ULK4: variants seen among roughly 807,000 people sequenced by gnomAD.
ULK4 encodes the protein inactive serine/threonine-protein kinase ULK4.
A neutral mutation model predicts 160.6 loss-of-function variants in ULK4; 133 were observed. The ratio of observed to expected loss-of-function variants is 0.83; its 90% CI spans 0.72 to 0.96. The LOEUF (loss-of-function observed/expected upper bound fraction) is 0.96, where lower values mean the gene tolerates loss of function less well. Among genes scored for constraint, ULK4 ranks in the 40% least tolerant of loss-of-function variants. The pLI is 0.00. For missense variants in ULK4, 1,580 were observed against 1,499.5 expected, an observed-to-expected ratio of 1.05 and a Z score of -0.89; for synonymous variants, 534 against 539.8, an observed-to-expected ratio of 0.99 and a Z score of 0.15.
intron 30 of ULK4, among the ~76,000 whole-genome samples, chr3:41,661,783 T>G (rs73828208): frequency 2.6e-4 from 39 of 152,296 alleles, no homozygotes; most frequent in African/African-American, 9.1e-4. Context: ...TTCCACTAAA[T>G]TCTGCTTGTA....
intron 32 of ULK4, 74 bp downstream of exon 32, chr3:41,565,951 A>C: frequency 8.8e-7 from 1 of 1,134,112 alleles, no homozygotes. Context: ...TGGTACTTCT[A>C]GACTCCACGC....
intron 34 of ULK4, among the ~76,000 whole-genome samples, chr3:41,441,241 G>C (rs1398655249): frequency 6.6e-6 from 1 of 152,024 alleles, no homozygotes; most frequent in Non-Finnish European, 1.5e-5. Flanking sequence ...TAAGGTAATT[G>C]ATTTGAGACC....
At chr3:41,565,623 G>A (rs531319907) in intron 32 of ULK4, among the ~76,000 whole-genome samples, 2 of 152,294 alleles carry the variant, frequency 1.3e-5, no homozygotes, top group East Asian at 1.9e-4. Flanking sequence ...CCAACAGCAT[G>A]ATGGACCTCA....
chr3:41,347,684 A>C (rs571188232), intron 35 of ULK4, among the ~76,000 whole-genome samples: 2 of 152,072 alleles, frequency 1.3e-5, no homozygotes, highest in Non-Finnish European at 2.9e-5. Context: ...CTCGGATACC[A>C]CCTTGTCTAA....
chr3:41,853,936 A>T (rs1244293413), intron 17 of ULK4: 1 of 152,144 alleles, frequency 6.6e-6, no homozygotes, highest in African/African-American at 2.4e-5. Context: ...CTTCATGAAT[A>T]TTCACAGCTT....
At chr3:41,754,185 G>A (rs1031983951) in intron 22 of ULK4, among the ~76,000 whole-genome samples, 176 bp downstream of exon 22, 1 of 152,048 alleles carries the variant, frequency 6.6e-6, no homozygotes, top group South Asian at 2.1e-4. Context: ...TAGTTTCAGA[G>A]GTCTTCTCTG....
chr3:41,602,252 A>AAAGGG (rs2032118842), intron 31 of ULK4, among the ~76,000 whole-genome samples: 1 of 10,882 alleles, frequency 9.2e-5, no homozygotes, highest in Non-Finnish European at 1.7e-4. Flanking sequence ...AGGAAGAGAA[A>AAAGGG]AAGGAAAGGA....
intron 32 of ULK4, among the ~76,000 whole-genome samples, chr3:41,561,680 T>C (rs995508053): frequency 6.6e-6 from 1 of 152,212 alleles, no homozygotes; most frequent in Non-Finnish European, 1.5e-5. Flanking sequence ...TGATGGTAGT[T>C]TGTACTTCTG....
rs142454243 is a variant in ULK4 at position 41,569,343 on chromosome 3, C to T, written c.3121-3213G>A. On this transcript the variant is annotated intron_variant, in intron 31 of 36. Transcript: ENST00000301831. ...CTTGGTCTTTCAGGTGACAAGCCAC[C>T]ATCCTGAAGCTACCCTAGGGGATGC... 9.2e-3 allele frequency among the ~76,000 whole-genome samples: 1,393 copies of T among 152,222 alleles called. 18 individuals carry two copies. The highest frequency in any genetic ancestry group is 0.044 in the Middle Eastern group (13 of 294).
intron 32 of ULK4, among the ~76,000 whole-genome samples, chr3:41,479,366 A>C (rs559279354): frequency 6.6e-5 from 10 of 152,352 alleles, no homozygotes; most frequent in African/African-American, 2.2e-4. Context: ...AAAAAAAGTA[A>C]GGAATAGTCC....
intron 32 of ULK4, among the ~76,000 whole-genome samples, chr3:41,488,598 A>T (rs755149365): frequency 2.6e-4 from 39 of 152,250 alleles, no homozygotes; most frequent in Non-Finnish European, 4.8e-4. Context: ...GATTGACAGT[A>T]CTTCAAGCAT....
chr3:41,546,766 TTAAAAAAA>T (rs367689180), intron 32 of ULK4, among the ~76,000 whole-genome samples: 13 of 122,280 alleles, frequency 1.1e-4, no homozygotes, highest in African/African-American at 2.9e-4. Flanking sequence ...CCCTAGGCCC[TTAAAAAAA>T]AAAAAAAAAA....
chr3:41,549,906 A>G (rs2087000373), intron 32 of ULK4, among the ~76,000 whole-genome samples: 2 of 152,060 alleles, frequency 1.3e-5, no homozygotes, highest in Non-Finnish European at 2.9e-5. Flanking sequence ...AGTGCTAAGA[A>G]AAAAAAAGAA....
At chr3:41,330,373 T>C (rs1313031143) in intron 35 of ULK4, among the ~76,000 whole-genome samples, 1 of 152,152 alleles carries the variant, frequency 6.6e-6, no homozygotes, top group East Asian at 1.9e-4. Flanking sequence ...ACTACTCACA[T>C]CCCATCCCAA....
At chr3:41,563,288 A>C (rs1385730643) in intron 32 of ULK4, among the ~76,000 whole-genome samples, 1 of 151,986 alleles carries the variant, frequency 6.6e-6, no homozygotes, top group Non-Finnish European at 1.5e-5. Flanking sequence ...GCTGCCCTTA[A>C]CATTTTTTCC....
At chr3:41,750,750 C>T (rs1202691174) in intron 22 of ULK4, among the ~76,000 whole-genome samples, 1 of 151,916 alleles carries the variant, frequency 6.6e-6, no homozygotes, top group East Asian at 1.9e-4. Context: ...AATCCCAGCA[C>T]TTTGGGAGGT....
At chr3:41,816,602 C>A (rs545592163) in intron 19 of ULK4, among the ~76,000 whole-genome samples, 2 of 152,144 alleles carry the variant, frequency 1.3e-5, no homozygotes, top group African/African-American at 4.8e-5. Flanking sequence ...ATTCCTAGAG[C>A]CTATGAGTTC....
intron 32 of ULK4, among the ~76,000 whole-genome samples, chr3:41,486,074 C>G (rs2084518097): frequency 6.6e-6 from 1 of 152,140 alleles, no homozygotes; most frequent in Non-Finnish European, 1.5e-5. Flanking sequence ...CCTGAACATT[C>G]CTTTCCAGTT....
chr3:41,297,518 G>A (rs1301455502), intron 35 of ULK4, among the ~76,000 whole-genome samples: 4 of 152,166 alleles, frequency 2.6e-5, no homozygotes, highest in African/African-American at 9.7e-5. Context: ...GTCACAAGAG[G>A]TCTCAGCCCT....
Sources: allele counts gnomAD v4.1 joint callset (sites outside exome capture counted in the v4.1 genomes callset), GRCh38; gene constraint gnomAD v4.1.1; transcripts MANE v1.5; gene names NCBI Gene and HGNC (gene_info 2026-07-23, HGNC 2026-07-21).